SUGCT: variants seen among roughly 807,000 people sequenced by gnomAD.
SUGCT encodes the protein succinyl-CoA:glutarate CoA-transferase.
In SUGCT, 41 loss-of-function variants were observed where a neutral mutation model predicts 55.0. The ratio of observed to expected loss-of-function variants is 0.74; its 90% confidence interval spans 0.58 to 0.97. The LOEUF is 0.97. Among genes scored for constraint, SUGCT ranks in the 50% least tolerant of loss-of-function variants. The pLI is 0.00. For synonymous variants in SUGCT, 187 were observed against 200.4 expected (o/e 0.93, Z 0.56); for missense variants, 568 against 547.8 (o/e 1.04, Z -0.37).
At chr7:40,640,383 C>T (rs927418546) in intron 12 of SUGCT, among the ~76,000 whole-genome samples, 1 of 152,116 alleles carries the variant, frequency 6.6e-6, no homozygotes, top group Non-Finnish European at 1.5e-5. Flanking sequence ...CAGAGCCCAC[C>T]AATAAATATA....
the SUGCT span, among the ~76,000 whole-genome samples, chr7:40,873,362 A>C: frequency 5.3e-5 from 8 of 152,336 alleles, no homozygotes; most frequent in Admixed American, 3.3e-4. Flanking sequence ...TGTTGACTCT[A>C]TAGACCTCAG....
intron 13 of SUGCT, among the ~76,000 whole-genome samples, chr7:40,776,953 G>A (rs149591262): frequency 6.6e-6 from 1 of 152,208 alleles, no homozygotes; most frequent in East Asian, 1.9e-4. Context: ...TCAAGCCAAA[G>A]GTTGGTTTTT....
intron 9 of SUGCT, among the ~76,000 whole-genome samples, chr7:40,318,337 G>A (rs1562675153): frequency 2.7e-5 from 4 of 149,578 alleles, no homozygotes; most frequent in Admixed American, 2.0e-4. Flanking sequence ...ATTTATACTC[G>A]TCATTGATAA....
chr7:40,539,890 T>C (rs891262925), intron 12 of SUGCT, among the ~76,000 whole-genome samples: 1 of 152,254 alleles, frequency 6.6e-6, no homozygotes, highest in Non-Finnish European at 1.5e-5. Flanking sequence ...ATGTTTCTGC[T>C]ATTTTCCAGG....
intron 12 of SUGCT, among the ~76,000 whole-genome samples, chr7:40,611,010 G>A (rs539377365): frequency 6.6e-6 from 1 of 152,222 alleles, no homozygotes; most frequent in Admixed American, 6.5e-5. Flanking sequence ...TAGGGGAAAG[G>A]CATGCATTTT....
At chr7:40,864,372 G>A (rs536573094), downstream of SUGCT, among the ~76,000 whole-genome samples, 19 of 152,086 alleles carry the variant, frequency 1.2e-4, no homozygotes, top group East Asian at 1.9e-4. Context: ...GGCTGGTCTC[G>A]AACTCCTGAC....
At chr7:40,814,649 G>A (rs527562287) in intron 13 of SUGCT, among the ~76,000 whole-genome samples, 65 of 151,948 alleles carry the variant, frequency 4.3e-4, no homozygotes, top group African/African-American at 1.5e-3. Context: ...CTTGGAGGTT[G>A]AGCTTCCTTG....
At chr7:40,945,415 G>A in the SUGCT span, among the ~76,000 whole-genome samples, 1 of 152,140 alleles carries the variant, frequency 6.6e-6, no homozygotes, top group South Asian at 2.1e-4. Context: ...CCTGAACCTG[G>A]AGGGCACTCC....
chr7:40,338,999 T>A (rs1796886322), intron 9 of SUGCT, among the ~76,000 whole-genome samples: 1 of 152,248 alleles, frequency 6.6e-6, no homozygotes, highest in Non-Finnish European at 1.5e-5. Flanking sequence ...TGTTGGAGTT[T>A]GCTAGAGGTC....
chr7:40,360,329 A>T (rs1001496574), intron 9 of SUGCT, among the ~76,000 whole-genome samples: 2 of 152,094 alleles, frequency 1.3e-5, no homozygotes, highest in African/African-American at 4.8e-5. Context: ...TTTTTTTTTA[A>T]AAATACTGTT....
At chr7:40,215,998 T>C (rs1787609713) in intron 6 of SUGCT, among the ~76,000 whole-genome samples, 1 of 152,110 alleles carries the variant, frequency 6.6e-6, no homozygotes, top group South Asian at 2.1e-4. Context: ...GATGAATATA[T>C]CCTGCAGCCC....
At chr7:41,004,965 C>T in the SUGCT span, among the ~76,000 whole-genome samples, 11 of 152,104 alleles carry the variant, frequency 7.2e-5, no homozygotes. Context: ...AAGAATCACA[C>T]AAAATACATA....
chr7:40,368,992 T>C (rs1167011985), intron 9 of SUGCT, among the ~76,000 whole-genome samples: 3 of 151,890 alleles, frequency 2.0e-5, no homozygotes, highest in African/African-American at 7.3e-5. Context: ...TAATCCCAGC[T>C]ACTTGGGAGG....
At chr7:40,472,954 C>A (rs1435621990) in intron 11 of SUGCT, among the ~76,000 whole-genome samples, 1 of 152,070 alleles carries the variant, frequency 6.6e-6, no homozygotes. Flanking sequence ...CAATTGACTT[C>A]TTTTCAGTTG....
At chr7:40,194,885 A>G in intron 5 of SUGCT, 55 bp from the exon 6 acceptor site, 1 of 1,566,074 alleles carries the variant, frequency 6.4e-7, no homozygotes, top group East Asian at 2.3e-5. Context: ...TTAAAATTCT[A>G]TCATGTGGGG....
rs1190126696 is a variant in SUGCT, at chr7:40,274,518, A to G, written c.582A>G (p.Gly194=). The G allele has an allele frequency of 6.2e-7, 1 of 1,612,386 alleles. No individual in the cohort carries two copies. The highest frequency in any genetic ancestry group is 1.7e-5 in the Admixed American group (1 of 59,730). ...GLMHITGPEN[G]DPVRPGVAMT... ...CAACCCAACCTTCAAATCAGAATGGAGATCCAGTTCGCCCAGGAGTAGCTA... is the reference window on the plus strand; with the variant it reads ...CAACCCAACCTTCAAATCAGAATGGGGATCCAGTTCGCCCAGGAGTAGCTA... The change falls in exon 8 of 14, where the codon GGA becomes GGG. Residue 194 remains glycine, a synonymous_variant. Transcript: ENST00000335693.
the SUGCT span, among the ~76,000 whole-genome samples, chr7:40,894,255 T>A: frequency 6.6e-6 from 1 of 151,834 alleles, no homozygotes; most frequent in African/African-American, 2.4e-5. Flanking sequence ...CAGAAAAAAA[T>A]GGTGCTGTCA....
chr7:40,254,262 G>T (rs937161901), intron 7 of SUGCT, among the ~76,000 whole-genome samples: 2 of 152,058 alleles, frequency 1.3e-5, no homozygotes, highest in East Asian at 3.9e-4. Flanking sequence ...ATGAATCCTG[G>T]TTTTTCAAGA....
intron 12 of SUGCT, among the ~76,000 whole-genome samples, chr7:40,506,619 G>T (rs1792613360): frequency 6.6e-6 from 1 of 151,648 alleles, no homozygotes; most frequent in Admixed American, 6.6e-5. Flanking sequence ...TTTTTTCTTT[G>T]ATTTTTAAAA....
Sources: gnomAD v4.1 joint callset for allele counts (sites outside exome capture counted in the v4.1 genomes callset) on GRCh38, gnomAD v4.1.1 for gene constraint, MANE v1.5 for transcripts, NCBI Gene and HGNC (gene_info 2026-07-23, HGNC 2026-07-21) for gene names.